The following GPR17 variants were observed in gnomAD, a reference collection of about 807,000 sequenced individuals.
The protein encoded by GPR17 is G protein-coupled receptor 17.
A neutral mutation model predicts 1.5 loss-of-function variants in GPR17; 4 were observed. The observed-to-expected ratio is 2.73, with a 90% CI of 1.35 to 6.25. The LOEUF (loss-of-function observed/expected upper bound fraction) is 6.25. Ranked by LOEUF, GPR17 falls within the 30% of genes most tolerant of loss-of-function variation. The pLI, the probability that GPR17 is intolerant of heterozygous loss-of-function variation, is 0.00. For synonymous variants in GPR17, 209 were observed against 207.6 expected, an observed-to-expected ratio of 1.01 and a Z score of -0.06; for missense variants, 463 against 462.1, an observed-to-expected ratio of 1.00 and a Z score of -0.02.
Position 127,651,265 on chromosome 2 carries a change from A to G in GPR17, c.530A>G (p.His177Arg). 6.2e-7 allele frequency: 1 copy of G among 1,606,494 alleles called. No individual in the cohort carries two copies. The highest frequency in any genetic ancestry group is 2.2e-5 in the East Asian group (1 of 44,856). ...AGCCCACAGACCGTGCAGACCAACC[A>G]CACGGTGGTCTGCCTGCAGCTGTAC... ...LVSPQTVQTN[H>R]TVVCLQLYRE... Residue 177 changes from histidine to arginine, a missense_variant, in exon 2 of 2, where the codon CAC becomes CGC. By Grantham distance (29) the His-to-Arg change is conservative (BLOSUM62 0). Coordinates refer to ENST00000486700, the MANE Select transcript of GPR17 (RefSeq NM_001161417.2).
At position 127,647,936 on chromosome 2, in the gene GPR17, T is replaced by C; in HGVS notation, c.-21+1692T>C. ...TCACAGGCCCTGTCAAGGGCTGTGTTCCTCCCTCCTTTTACCTCTCCTCCA... is the reference window on the plus strand; with the variant it reads ...TCACAGGCCCTGTCAAGGGCTGTGTCCCTCCCTCCTTTTACCTCTCCTCCA... On this transcript the variant is annotated intron_variant, in intron 1 of 1. Transcript: ENST00000486700. This position sits in a 1 kb window ranked among gnomAD's most constrained non-coding sequence, Gnocchi z 4.3. 1.2e-6 allele frequency: 1 copy of C among 805,246 alleles called. No individual in the cohort carries two copies. Among genetic ancestry groups the C allele is most frequent in the African/African-American group, 1.9e-5 (1 of 53,956 alleles). The allele number at this position is 805,246 out of a possible 1,614,324, so 49.9% of individuals were successfully genotyped here.
At chr2:127,649,459 C>T (rs928450593) in intron 1 of GPR17, among the ~76,000 whole-genome samples, 8 of 152,324 alleles carry the variant, frequency 5.3e-5, no homozygotes, top group Non-Finnish European at 1.0e-4. Context: ...CAGAGGAGCC[C>T]CAGAAGCTGT....
At chr2:127,648,363 T>C (rs777119584) in intron 1 of GPR17, 2 of 218,120 alleles carry the variant, frequency 9.2e-6, no homozygotes, top group Non-Finnish European at 1.6e-5. Context: ...TTGAGGACAT[T>C]GATGGCCAGG....
rs764445421 is a variant in GPR17, at chr2:127,651,105, T to C, written c.370T>C (p.Cys124Arg). ...GTACGCCAGCATCTACTTCCTCACC[T>C]GCATCAGCGCCGACCGTTTCCTGGC... ...NMYASIYFLT[C>R]ISADRFLAIV... The change falls in exon 2 of 2, where the codon TGC becomes CGC. Residue 124 changes from cysteine (C) to arginine (R), a missense_variant. Transcript: ENST00000486700. The C allele has an allele frequency of 4.3e-6, 7 of 1,613,468 alleles. No homozygotes were observed. Among genetic ancestry groups the C allele is most frequent in the East Asian group, 2.2e-5 (1 of 44,894 alleles).
chr2:127,651,300 G>A lies in GPR17; in HGVS notation c.565G>A (p.Ala189Thr). ...CTGCCTGCAGCTGTACCGGGAGAAGGCCTCCCACCATGCCCTGGTGTCCCT... is the reference window on the plus strand; with the variant it reads ...CTGCCTGCAGCTGTACCGGGAGAAGACCTCCCACCATGCCCTGGTGTCCCT... ...VVCLQLYREK[A>T]SHHALVSLAV... Residue 189 changes from alanine (A) to threonine (T), a missense_variant, in exon 2 of 2, where the codon GCC becomes ACC. Transcript: ENST00000486700. The A allele has an allele frequency of 1.2e-6, 2 of 1,608,668 alleles. No individual in the cohort carries two copies. The highest frequency in any genetic ancestry group is 1.7e-6 in the Non-Finnish European group (2 of 1,179,978).
chr2:127,651,745 C>G lies in GPR17; in HGVS notation c.1010C>G (p.Ser337Ter). 8 of 1,611,606 alleles carry G rather than the reference C, an allele frequency of 5.0e-6. No homozygotes were observed. The highest frequency in any genetic ancestry group is 6.8e-6 in the Non-Finnish European group (8 of 1,178,940). ...KTNESSLSAK[S>*]EL The stretch of plus-strand genomic sequence containing the variant: ...AACGAGAGCTCGCTGAGTGCCAAGT[C>G]AGAGCTGTGAGCGGGGGGCGCCGTC... The change falls in exon 2 of 2, where the codon TCA becomes TGA. Residue 337 changes from serine (S) to a stop codon, truncating the protein, a stop_gained. Coordinates refer to ENST00000486700, the MANE Select transcript of GPR17 (RefSeq NM_001161417.2). LOFTEE classifies it high-confidence loss of function.
At position 127,647,526 on chromosome 2, in the gene GPR17, G is replaced by T. The variant is rs980915951; in HGVS notation, c.-21+1282G>T. Reference sequence around the variant, plus strand: ...AGTCGTACCTATGAGCTGCTCTCTCGTGGGGCCAGGTGATGCCTGCACTGT... The same window carrying T: ...AGTCGTACCTATGAGCTGCTCTCTCTTGGGGCCAGGTGATGCCTGCACTGT... On this transcript the variant is annotated intron_variant, in intron 1 of 1. Coordinates refer to ENST00000486700, the MANE Select transcript of GPR17 (RefSeq NM_001161417.2). This position sits in a 1 kb window ranked among gnomAD's most constrained non-coding sequence, Gnocchi z 4.3. Among the ~76,000 whole-genome samples the T allele has an allele frequency of 6.6e-6, 1 of 152,124 alleles. No homozygotes were observed. Among genetic ancestry groups the T allele is most frequent in the Non-Finnish European group, 1.5e-5 (1 of 68,012 alleles).
At chr2:127,650,034 C>G (rs1393566300) in intron 1 of GPR17, 2 of 1,608,928 alleles carry the variant, frequency 1.2e-6, no homozygotes, top group African/African-American at 2.7e-5. Context: ...AGTTGGTGGG[C>G]TGGATCCAGA....
chr2:127,647,616 C>T lies in GPR17; in HGVS notation c.-21+1372C>T, dbSNP rs1683137314. On this transcript the variant is annotated intron_variant, in intron 1 of 1. Transcript: ENST00000486700. The surrounding 1 kb of genome is among the most constrained non-coding windows in gnomAD (Gnocchi z 4.3). ...GGCACCCACCTTGGCCCCTTCCCACCCCCAGGTTCTAACAAGGGCCCCTCA... is the reference window on the plus strand; with the variant it reads ...GGCACCCACCTTGGCCCCTTCCCACTCCCAGGTTCTAACAAGGGCCCCTCA... 6.6e-6 allele frequency among the ~76,000 whole-genome samples: 1 copy of T among 152,066 alleles called. No homozygotes were observed. Among genetic ancestry groups the T allele is most frequent in the Non-Finnish European group, 1.5e-5 (1 of 67,980 alleles).
At chr2:127,650,326 C>T in intron 1 of GPR17, 1 of 561,644 alleles carries the variant, frequency 1.8e-6, no homozygotes, top group Non-Finnish European at 3.2e-6. Flanking sequence ...CCCCTCACCA[C>T]CCCTGTCACT....
intron 1 of GPR17, chr2:127,650,150 G>A (rs1683579862): frequency 7.4e-7 from 1 of 1,357,248 alleles, no homozygotes; most frequent in Admixed American, 2.0e-5. Flanking sequence ...CCTCCTAAGT[G>A]CCAGGGGCAA....
intron 1 of GPR17, chr2:127,648,150 T>C: frequency 1.0e-6 from 1 of 985,326 alleles, no homozygotes; most frequent in Non-Finnish European, 1.2e-6. Flanking sequence ...CCTGGATTCC[T>C]GGGGAATGGG....
In GPR17 at chr2:127,651,774, GC is replaced by G; in HGVS notation, c.*21del. On this transcript the variant is annotated 3_prime_UTR_variant, in exon 2 of 2. Coordinates refer to ENST00000486700, the MANE Select transcript of GPR17 (RefSeq NM_001161417.2). ...GCTGTGAGCGGGGGGCGCCGTCCAG[GC>G]CGAGCGCAGACTGTTTAGGACTCAG... 1 of 1,605,662 alleles carries G rather than the reference GC, an allele frequency of 6.2e-7. No individual in the cohort carries two copies. Among genetic ancestry groups the G allele is most frequent in the South Asian group, 1.1e-5 (1 of 90,320 alleles).
chr2:127,648,958 AGGGGAGGGGGGGAGGGGAGGGAG>A (rs1683303272), intron 1 of GPR17, among the ~76,000 whole-genome samples: 1 of 27,422 alleles, frequency 3.6e-5, no homozygotes, highest in African/African-American at 1.6e-4. Flanking sequence ...AGGGGAGGGG[AGGGGAGGGGGGGAGGGGAGGGAG>A]GGGAGGGGAG....
chr2:127,651,529 A>G lies in GPR17; in HGVS notation c.794A>G (p.His265Arg), dbSNP rs903532956. ...GTCTACGTGCTGCACTACCGCAGCC[A>G]TGGGGCCTCCTGCGCCACCCAGCGC... The part of the protein sequence containing the change: ...RSVYVLHYRS[H>R]GASCATQRIL... Residue 265 changes from histidine to arginine, a missense_variant, in exon 2 of 2, where the codon CAT becomes CGT. Transcript: ENST00000486700. The G allele has an allele frequency of 5.6e-6, 9 of 1,612,688 alleles. No homozygotes were observed. The highest frequency in any genetic ancestry group is 7.6e-6 in the Non-Finnish European group (9 of 1,180,034).
Position 127,647,725 on chromosome 2 carries a change from C to T in GPR17, c.-21+1481C>T, listed in dbSNP as rs531729474. ...CTCTCCTGCCAACCTGAAAACAGCA[C>T]ACCTGTGTGCCCCTCCCATCTACCA... is the stretch of plus-strand genomic sequence containing the variant. On this transcript the variant is annotated intron_variant, in intron 1 of 1. Coordinates refer to ENST00000486700, the MANE Select transcript of GPR17 (RefSeq NM_001161417.2). The surrounding 1 kb of genome is among the most constrained non-coding windows in gnomAD (Gnocchi z 4.3). 3.3e-5 allele frequency among the ~76,000 whole-genome samples: 5 copies of T among 152,232 alleles called. No individual in the cohort carries two copies. In the South Asian group the frequency reaches 1.0e-3, roughly 32 times the overall value.
At position 127,651,344 on chromosome 2, in the gene GPR17, C is replaced by T. The variant is rs1347805205; in HGVS notation, c.609C>T (p.Phe203=). 1 of 1,611,730 alleles carries T rather than the reference C, an allele frequency of 6.2e-7. No homozygotes were observed. The highest frequency in any genetic ancestry group is 1.7e-5 in the Admixed American group (1 of 60,018). The part of the protein sequence containing the change: ...ALVSLAVAFT[F]PFITTVTCYL... ...TGTCCCTGGCAGTGGCCTTCACCTT[C>T]CCGTTCATCACCACGGTCACCTGCT... The change falls in exon 2 of 2, where the codon TTC becomes TTT. Residue 203 remains phenylalanine, a synonymous_variant. Transcript: ENST00000486700.
rs747360576 is a variant in GPR17 at position 127,650,921 on chromosome 2, C to G, written c.186C>G (p.Ser62=). The change falls in exon 2 of 2, where the codon TCC becomes TCG. Residue 62 remains serine (S), a synonymous_variant. Coordinates refer to ENST00000486700, the MANE Select transcript of GPR17 (RefSeq NM_001161417.2). ...ALWLFIRDHK[S]GTPANVFLMH... ...GGCTTTTCATCCGAGACCACAAGTCCGGGACCCCGGCCAACGTGTTCCTGA... is the reference window on the plus strand; with the variant it reads ...GGCTTTTCATCCGAGACCACAAGTCGGGGACCCCGGCCAACGTGTTCCTGA... 1.2e-6 allele frequency: 2 copies of G among 1,614,004 alleles called. No individual in the cohort carries two copies.
In GPR17 at chr2:127,651,767, C is replaced by T. The variant is rs891318648; in HGVS notation, c.*12C>T. On this transcript the variant is annotated 3_prime_UTR_variant, in exon 2 of 2. Transcript: ENST00000486700. ...AGTCAGAGCTGTGAGCGGGGGGCGC[C>T]GTCCAGGCCGAGCGCAGACTGTTTA... The T allele has an allele frequency of 5.6e-6, 9 of 1,607,712 alleles. No individual in the cohort carries two copies. In the African/African-American group the frequency reaches 8.0e-5, roughly 14 times the overall value.
Sources: gnomAD v4.1 joint callset for allele counts (sites outside exome capture counted in the v4.1 genomes callset) on GRCh38, gnomAD v4.1.1 for gene constraint, Gnocchi (gnomAD v3.1) non-coding constraint, MANE v1.5 for transcripts, NCBI Gene and HGNC (gene_info 2026-07-23, HGNC 2026-07-21) for gene names.